Variants in PCSK2 observed in about 807,000 individuals in gnomAD.
PCSK2 encodes proprotein convertase subtilisin/kexin type 2.
PCSK2 carries 14 observed loss-of-function variants against 69.7 expected under a neutral mutation model. That is an observed-to-expected ratio of 0.20 (90% CI 0.13 to 0.31). The LOEUF (loss-of-function observed/expected upper bound fraction) is 0.31. Among genes scored for constraint, PCSK2 ranks in the 10% least tolerant of loss-of-function variants. The probability of loss-of-function intolerance (pLI) is 1.00; values close to 1 mark genes in which losing one functional copy is unlikely to be tolerated. For synonymous variants in PCSK2, 307 were observed against 320.7 expected (o/e 0.96, Z 0.46); for missense variants, 544 against 842.5 (o/e 0.65, Z 4.39).
intron 2 of PCSK2, among the ~76,000 whole-genome samples, chr20:17,320,370 T>G (rs762527550): frequency 2.0e-5 from 3 of 152,240 alleles, no homozygotes; most frequent in Non-Finnish European, 4.4e-5. Context: ...AATCAGTGTC[T>G]TCTTTTCATA....
chr20:17,249,841 G>T (rs999354429), intron 1 of PCSK2, among the ~76,000 whole-genome samples: 1 of 152,088 alleles, frequency 6.6e-6, no homozygotes. Context: ...AGGGCTGGGG[G>T]GGGAATGGAG....
At chr20:17,344,152 A>C (rs1294108379) in intron 2 of PCSK2, among the ~76,000 whole-genome samples, 3 of 152,234 alleles carry the variant, frequency 2.0e-5, no homozygotes, top group Non-Finnish European at 2.9e-5. Flanking sequence ...GCTGGGGCTC[A>C]TTAACGCCCT....
At chr20:17,417,310 G>A (rs1174014255) in intron 6 of PCSK2, among the ~76,000 whole-genome samples, 1 of 149,594 alleles carries the variant, frequency 6.7e-6, no homozygotes, top group African/African-American at 2.4e-5. Context: ...AGTGCTTAGG[G>A]CAATAAAACT....
chr20:17,319,199 A>T (rs762615113), intron 2 of PCSK2, among the ~76,000 whole-genome samples: 6 of 152,244 alleles, frequency 3.9e-5, no homozygotes, highest in Admixed American at 1.3e-4. Flanking sequence ...TAAGATAAAG[A>T]CAAAAAAGTT....
At chr20:17,279,946 G>T (rs1332494453) in intron 2 of PCSK2, among the ~76,000 whole-genome samples, 1 of 149,712 alleles carries the variant, frequency 6.7e-6, no homozygotes, top group Non-Finnish European at 1.5e-5. Context: ...CAAAAGTAAT[G>T]CATATATGCA....
chr20:17,243,919 C>T (rs1396951903), intron 1 of PCSK2, among the ~76,000 whole-genome samples: 1 of 152,100 alleles, frequency 6.6e-6, no homozygotes, highest in Non-Finnish European at 1.5e-5. Context: ...CAACCACATG[C>T]AACATGTGAT....
At chr20:17,383,653 A>G (rs6044771) in intron 5 of PCSK2, among the ~76,000 whole-genome samples, 3 of 152,168 alleles carry the variant, frequency 2.0e-5, no homozygotes, top group Admixed American at 6.5e-5. Context: ...AAAATAAAAA[A>G]AAGAAAAAGA....
intron 2 of PCSK2, among the ~76,000 whole-genome samples, chr20:17,308,305 G>A (rs886385330): frequency 4.6e-5 from 7 of 152,118 alleles, no homozygotes; most frequent in African/African-American, 1.7e-4. Flanking sequence ...TTTTGGTGGC[G>A]AAACAGATCC....
intron 1 of PCSK2, among the ~76,000 whole-genome samples, chr20:17,258,648 A>T (rs1987266952): frequency 6.6e-6 from 1 of 152,226 alleles, no homozygotes; most frequent in African/African-American, 2.4e-5. Flanking sequence ...CTATGTAACA[A>T]ACCTTCACAT....
intron 2 of PCSK2, among the ~76,000 whole-genome samples, chr20:17,308,155 C>T (rs1195813254): frequency 6.6e-6 from 1 of 152,246 alleles, no homozygotes; most frequent in Non-Finnish European, 1.5e-5. Context: ...ACAACGAGAT[C>T]TCACAAGAAC....
At position 17,397,067 on chromosome 20, in the gene PCSK2, T is replaced by C. The variant is rs549642015; in HGVS notation, c.544-12196T>C. 5.3e-5 allele frequency among the ~76,000 whole-genome samples: 8 copies of C among 152,328 alleles called. No homozygotes were observed. The East Asian group carries it at 1.5e-3, about 29-fold the overall frequency. ...CTTGAGCACAGAATCAAAGCACACC[T>C]AGAGTTACCTATGTGCATCTCCGTT... On this transcript the variant is annotated intron_variant, in intron 5 of 11. Coordinates refer to ENST00000262545, the MANE Select transcript of PCSK2 (RefSeq NM_002594.5).
chr20:17,479,613 C>T (rs750587018), intron 11 of PCSK2, among the ~76,000 whole-genome samples: 4 of 152,076 alleles, frequency 2.6e-5, no homozygotes, highest in Non-Finnish European at 4.4e-5. Context: ...TCATGGCTAA[C>T]ACGGTGAAAC....
At chr20:17,437,851 G>A (rs2032516589) in intron 8 of PCSK2, among the ~76,000 whole-genome samples, 1 of 152,200 alleles carries the variant, frequency 6.6e-6, no homozygotes, top group African/African-American at 2.4e-5. Context: ...TTCGTTACTT[G>A]AGCATCCATT....
chr20:17,343,130 A>G (rs1436786357), intron 2 of PCSK2, among the ~76,000 whole-genome samples: 1 of 152,174 alleles, frequency 6.6e-6, no homozygotes, highest in Non-Finnish European at 1.5e-5. Flanking sequence ...GACTCTCACT[A>G]TCCCTTTATT....
intron 6 of PCSK2, among the ~76,000 whole-genome samples, chr20:17,421,032 T>C (rs2032113915): frequency 1.3e-5 from 2 of 152,244 alleles, no homozygotes; most frequent in African/African-American, 2.4e-5. Flanking sequence ...AAATGTAGCA[T>C]TCACCCACCT....
intron 6 of PCSK2, among the ~76,000 whole-genome samples, chr20:17,419,865 A>T (rs1329516307): frequency 2.0e-5 from 3 of 152,218 alleles, no homozygotes; most frequent in Admixed American, 2.0e-4. Flanking sequence ...CCTGCCATTG[A>T]CGATATTTAT....
intron 11 of PCSK2, among the ~76,000 whole-genome samples, chr20:17,469,627 C>A (rs2033166666): frequency 6.6e-6 from 1 of 152,064 alleles, no homozygotes; most frequent in Non-Finnish European, 1.5e-5. Context: ...AAACCCCAGG[C>A]TCTTTTCACT....
chr20:17,287,868 G>A (rs1032342033), intron 2 of PCSK2, among the ~76,000 whole-genome samples: 11 of 152,346 alleles, frequency 7.2e-5, no homozygotes, highest in Non-Finnish European at 1.0e-4. Context: ...TCATGCTCCA[G>A]ATAGCTTTAC....
chr20:17,282,292 A>T (rs1192876356), intron 2 of PCSK2, among the ~76,000 whole-genome samples: 1 of 152,184 alleles, frequency 6.6e-6, no homozygotes, highest in East Asian at 1.9e-4. Flanking sequence ...TATTCTGCAT[A>T]TCATATTATA....
Sources: gnomAD v4.1 joint callset for allele counts (sites outside exome capture counted in the v4.1 genomes callset) on GRCh38, gnomAD v4.1.1 for gene constraint, MANE v1.5 for transcripts, NCBI Gene and HGNC (gene_info 2026-07-23, HGNC 2026-07-21) for gene names.